SH3KBP1: variants seen among roughly 807,000 people sequenced by gnomAD.
SH3KBP1 encodes the protein SH3 domain-containing kinase-binding protein 1.
SH3KBP1 carries 8 observed loss-of-function variants against 50.1 expected under a neutral mutation model. The observed-to-expected ratio is 0.16, with a 90% confidence interval of 0.09 to 0.29. The LOEUF (loss-of-function observed/expected upper bound fraction) is 0.29, where lower values mean the gene tolerates loss of function less well. SH3KBP1 is among the 10% of genes least tolerant of loss of function. SH3KBP1 has a pLI of 1.00. For synonymous variants in SH3KBP1, 227 were observed against 218.6 expected (o/e 1.04, Z -0.34); for missense variants, 377 against 535.2 (o/e 0.70, Z 2.92).
At chrX:19,599,905 T>C (rs2067025228) in intron 9 of SH3KBP1, among the ~76,000 whole-genome samples, 2 of 109,198 alleles carry the variant, frequency 1.8e-5, no homozygotes, top group Admixed American at 1.9e-4. Context: ...CCCAGCACTT[T>C]GGGAGGCAGA....
chrX:19,886,974 G>C (rs1275908283), intron 1 of SH3KBP1, among the ~76,000 whole-genome samples: 3 of 110,157 alleles, frequency 2.7e-5, no homozygotes, highest in Non-Finnish European at 5.7e-5. Context: ...GGGCGCGCTC[G>C]GGTGCAAAAA....
chrX:19,615,142 A>G (rs2067568486), intron 8 of SH3KBP1, among the ~76,000 whole-genome samples: 1 of 112,482 alleles, frequency 8.9e-6, no homozygotes, highest in Admixed American at 9.4e-5. Flanking sequence ...AAACTTTAAA[A>G]TTACCCCAAA....
At chrX:19,878,505 T>TGTGTGTGTGTGTGTGTGA (rs1491094714) in intron 1 of SH3KBP1, among the ~76,000 whole-genome samples, 36 of 48,251 alleles carry the variant, frequency 7.5e-4, no homozygotes, top group African/African-American at 2.1e-3. Context: ...TGTGTGTGTG[T>TGTGTGTGTGTGTGTGTGA]GAGAGAGAGA....
chrX:19,560,783 T>G (rs912550056), intron 13 of SH3KBP1, among the ~76,000 whole-genome samples: 1 of 110,873 alleles, frequency 9.0e-6, no homozygotes. Flanking sequence ...TATTTAGATA[T>G]AAGAGGAGCA....
chrX:19,763,784 G>A (rs1401689256), intron 2 of SH3KBP1, among the ~76,000 whole-genome samples: 1 of 110,720 alleles, frequency 9.0e-6, no homozygotes, highest in African/African-American at 3.3e-5. Flanking sequence ...CACTTTGGGA[G>A]GCCAAGGTGG....
At chrX:19,613,902 T>C (rs936242921) in intron 8 of SH3KBP1, among the ~76,000 whole-genome samples, 1 of 112,603 alleles carries the variant, frequency 8.9e-6, no homozygotes, top group Non-Finnish European at 1.9e-5. Context: ...TCCTGACACA[T>C]GTGAAAATCT....
chrX:19,664,847 T>G (rs1276082039), intron 6 of SH3KBP1: 1 of 112,015 alleles, frequency 8.9e-6, no homozygotes, highest in African/African-American at 3.2e-5. Context: ...TGCCTGAATG[T>G]AAAGGGAGTA....
chrX:19,547,505 GTTTT>G (rs1399540332), intron 14 of SH3KBP1, among the ~76,000 whole-genome samples: 1 of 112,038 alleles, frequency 8.9e-6, no homozygotes, highest in African/African-American at 3.3e-5. Context: ...AATTTAACAG[GTTTT>G]ATTTGTTAAT....
chrX:19,681,221 C>T (rs1390683865), intron 6 of SH3KBP1, among the ~76,000 whole-genome samples: 1 of 112,043 alleles, frequency 8.9e-6, no homozygotes, highest in Non-Finnish European at 1.9e-5. Context: ...CGCACTTGCG[C>T]ACACACATAT....
intron 10 of SH3KBP1, 136 bp from the exon 11 acceptor site, chrX:19,592,283 G>A: frequency 3.9e-6 from 2 of 507,130 alleles, no homozygotes; most frequent in Non-Finnish European, 6.7e-6. Context: ...AGCATTATCT[G>A]GCAAGCACGA....
chrX:19,714,210 G>A (rs1002371461), intron 3 of SH3KBP1, among the ~76,000 whole-genome samples: 11 of 112,050 alleles, frequency 9.8e-5, no homozygotes, highest in Admixed American at 8.5e-4. Context: ...GGAGCAGGTC[G>A]GGGGTGAGAT....
chrX:19,573,909 T>C (rs2066119435), intron 12 of SH3KBP1, among the ~76,000 whole-genome samples: 2 of 111,467 alleles, frequency 1.8e-5, no homozygotes, highest in South Asian at 3.9e-4. Context: ...GAGTGCTTCA[T>C]CAACAAAATG....
chrX:19,870,832 C>T (rs767469837), intron 1 of SH3KBP1, among the ~76,000 whole-genome samples: 2 of 111,200 alleles, frequency 1.8e-5, no homozygotes, highest in Non-Finnish European at 3.8e-5. Flanking sequence ...CACAAAAGAC[C>T]GCACCAGAGC....
At chrX:19,866,508 C>T (rs974846091) in intron 1 of SH3KBP1, among the ~76,000 whole-genome samples, 28 of 109,528 alleles carry the variant, frequency 2.6e-4, no homozygotes, top group Admixed American at 2.5e-3. Context: ...GGCAACATAA[C>T]GAGACCTCCA....
At chrX:19,832,488 T>C (rs2067923087) in intron 2 of SH3KBP1, among the ~76,000 whole-genome samples, 1 of 111,226 alleles carries the variant, frequency 9.0e-6, no homozygotes, top group African/African-American at 3.3e-5. Flanking sequence ...CCCAAGGTGG[T>C]AGCCAGGGAC....
chrX:19,635,350 A>G (rs2061675419), intron 7 of SH3KBP1, among the ~76,000 whole-genome samples: 1 of 107,968 alleles, frequency 9.3e-6, no homozygotes, highest in African/African-American at 3.4e-5. Flanking sequence ...GTTCTCACTC[A>G]TAAGTGGGAG....
rs1242429299 is a variant in SH3KBP1, at chrX:19,645,528, C to T, written c.727-53G>A. ...TATCAAGATGATTGTCTCCATTAAG[C>T]AAAGGAATAAGATCCAGATCATAAT... On this transcript the variant is annotated intron_variant, in intron 6 of 17. Transcript: ENST00000397821. 9 of 931,196 alleles carry T rather than the reference C, an allele frequency of 9.7e-6. No individual in the cohort carries two copies. In the East Asian group the frequency reaches 2.8e-4, roughly 29 times the overall value. The allele number at this position is 931,196 out of a possible 1,213,427, so 76.7% of individuals were successfully genotyped here.
At chrX:19,663,265 C>T (rs929575388) in intron 6 of SH3KBP1, among the ~76,000 whole-genome samples, 2 of 111,732 alleles carry the variant, frequency 1.8e-5, no homozygotes, top group African/African-American at 6.5e-5. Flanking sequence ...ATTTTAATCA[C>T]GTGCTTCTTA....
intron 8 of SH3KBP1, among the ~76,000 whole-genome samples, chrX:19,628,443 G>T (rs763011789): frequency 9.0e-6 from 1 of 111,178 alleles, no homozygotes; most frequent in Non-Finnish European, 1.9e-5. Flanking sequence ...AGACTCAGAG[G>T]GGGTAAGCAA....
Sources: allele counts gnomAD v4.1 joint callset (sites outside exome capture counted in the v4.1 genomes callset), GRCh38; gene constraint gnomAD v4.1.1; transcripts MANE v1.5; gene names NCBI Gene and HGNC (gene_info 2026-07-23, HGNC 2026-07-21).